Variants in DNAJC13 observed in about 807,000 individuals in gnomAD.
DNAJC13 encodes DnaJ heat shock protein family (Hsp40) member C13.
A neutral mutation model predicts 290.5 loss-of-function variants in DNAJC13; 75 were observed. The observed-to-expected ratio is 0.26, with a 90% CI of 0.21 to 0.31. The LOEUF (loss-of-function observed/expected upper bound fraction) is 0.31, where lower values mean the gene tolerates loss of function less well. Among genes scored for constraint, DNAJC13 ranks in the 10% least tolerant of loss-of-function variants. The probability of loss-of-function intolerance (pLI) is 1.00; values close to 1 mark genes in which losing one functional copy is unlikely to be tolerated. For missense variants in DNAJC13, 2,260 were observed against 2,674.5 expected (o/e 0.85, Z 3.42); for synonymous variants, 862 against 892.0 (o/e 0.97, Z 0.60).
At chr3:132,449,067 G>C in intron 5 of DNAJC13, among the ~76,000 whole-genome samples, 1 of 152,106 alleles carries the variant, frequency 6.6e-6, no homozygotes, top group Non-Finnish European at 1.5e-5. Context: ...AGTACCTCTA[G>C]AAGATTGCCC....
chr3:132,478,018 C>T lies in DNAJC13; in HGVS notation c.2587C>T (p.Leu863Phe). ...FFNELYHRFL[L>F]TPKVNMKCLC... is the part of the protein sequence containing the mutation. Reference sequence around the variant, plus strand: ...CAATGAGCTTTATCATCGCTTCTTGCTCACCCCAAAAGTAAACATGAAGTG... The same window carrying T: ...CAATGAGCTTTATCATCGCTTCTTGTTCACCCCAAAAGTAAACATGAAGTG... Residue 863 changes from leucine (L) to phenylalanine (F), a missense_variant, in exon 24 of 56, where the codon CTC becomes TTC. Physicochemically the swap from Leu to Phe is conservative, Grantham distance 22 (BLOSUM62 0). Transcript: ENST00000260818. The T allele has an allele frequency of 6.2e-7, 1 of 1,611,072 alleles. No individual in the cohort carries two copies. Among genetic ancestry groups the T allele is most frequent in the Non-Finnish European group, 8.5e-7 (1 of 1,179,298 alleles).
chr3:132,450,598 A>T, intron 5 of DNAJC13, 49 bp from the exon 6 acceptor site: 1 of 1,372,706 alleles, frequency 7.3e-7, no homozygotes, highest in Non-Finnish European at 1.0e-6. Flanking sequence ...ATTTTATTTT[A>T]TATGATTTTA....
intron 2 of DNAJC13, among the ~76,000 whole-genome samples, chr3:132,445,825 T>G (rs920136304): frequency 2.6e-5 from 4 of 152,110 alleles, no homozygotes; most frequent in Admixed American, 2.6e-4. Context: ...TCTAATTCAA[T>G]TTCCTTTTAT....
Position 132,456,375 on chromosome 3 carries a change from A to G in DNAJC13, c.1073A>G (p.His358Arg). 1 of 1,613,588 alleles carries G rather than the reference A, an allele frequency of 6.2e-7. No individual in the cohort carries two copies. Among genetic ancestry groups the G allele is most frequent in the Non-Finnish European group, 8.5e-7 (1 of 1,179,784 alleles). Residue 358 changes from histidine (H) to arginine (R), a missense_variant, in exon 10 of 56, where the codon CAC (histidine) becomes CGC (arginine). By Grantham distance (29) the His-to-Arg change is conservative. This residue lies in a region of DNAJC13 where 762 missense variants were observed against 964.1 expected (regional missense o/e 0.79). Coordinates refer to ENST00000260818, the MANE Select transcript of DNAJC13 (RefSeq NM_015268.4). The part of the protein sequence containing the change: ...MPVDEEVESL[H>R]LRFLATPPNG... ...GTTGATGAGGAAGTAGAGAGCCTTC[A>G]CCTCAGGTTCTTAGCTACGCCTCCA...
At chr3:132,528,090 C>T in intron 53 of DNAJC13, 99 bp from the exon 54 acceptor site, 2 of 1,339,088 alleles carry the variant, frequency 1.5e-6, no homozygotes, top group Non-Finnish European at 2.1e-6. Flanking sequence ...TACGGTGCAA[C>T]AGGCTGCCTT....
chr3:132,459,547 T>C (rs1307070368), intron 13 of DNAJC13, among the ~76,000 whole-genome samples: 2 of 152,108 alleles, frequency 1.3e-5, no homozygotes, highest in African/African-American at 2.4e-5. Context: ...CACTGAACAG[T>C]GTAATTTAAA....
At chr3:132,442,064 TA>T (rs796966265) in intron 2 of DNAJC13, among the ~76,000 whole-genome samples, 10 of 146,632 alleles carry the variant, frequency 6.8e-5, no homozygotes, top group Non-Finnish European at 1.1e-4. Flanking sequence ...ATACCTTATG[TA>T]AAAAAAAATC....
At chr3:132,498,704 GTTTTA>G (rs1008058180) in intron 36 of DNAJC13, among the ~76,000 whole-genome samples, 1 of 151,444 alleles carries the variant, frequency 6.6e-6, no homozygotes, top group African/African-American at 2.4e-5. Flanking sequence ...TTTTTTTTAC[GTTTTA>G]TTTTATTTTA....
intron 37 of DNAJC13, 135 bp downstream of exon 37, chr3:132,499,445 C>A: frequency 1.2e-6 from 1 of 832,192 alleles, no homozygotes; most frequent in Non-Finnish European, 1.8e-6. Context: ...TTTCCATATT[C>A]TTATACCAAA....
intron 51 of DNAJC13, among the ~76,000 whole-genome samples, chr3:132,524,889 T>C (rs1361577817): frequency 6.6e-6 from 1 of 152,214 alleles, no homozygotes. Flanking sequence ...AGAAAGTGCT[T>C]TGTGGGAGCC....
chr3:132,509,414 G>T (rs1001400310), intron 43 of DNAJC13, among the ~76,000 whole-genome samples: 1 of 152,236 alleles, frequency 6.6e-6, no homozygotes, highest in African/African-American at 2.4e-5. Flanking sequence ...GTTGCTTCTT[G>T]TGGATAAGCA....
chr3:132,420,598 C>T (rs1333166209), intron 1 of DNAJC13, among the ~76,000 whole-genome samples: 2 of 149,816 alleles, frequency 1.3e-5, no homozygotes, highest in Non-Finnish European at 3.0e-5. Context: ...TAACAAGTAA[C>T]CCACAAAATA....
chr3:132,448,028 T>G, intron 5 of DNAJC13, 89 bp downstream of exon 5: 1 of 947,662 alleles, frequency 1.1e-6, no homozygotes, highest in South Asian at 1.6e-5. Flanking sequence ...GTGTTCCATT[T>G]GTAGCAAAGC....
chr3:132,432,217 G>T (rs1010104462), intron 1 of DNAJC13, among the ~76,000 whole-genome samples: 5 of 151,328 alleles, frequency 3.3e-5, no homozygotes, highest in South Asian at 2.1e-4. Context: ...TGTTTTTTTG[G>T]GGGGGGACAG....
intron 36 of DNAJC13, 35 bp downstream of exon 36, chr3:132,496,698 C>A: frequency 6.4e-7 from 1 of 1,569,394 alleles, no homozygotes; most frequent in Non-Finnish European, 8.6e-7. Flanking sequence ...AATTTATCCT[C>A]CAGCTAACCT....
chr3:132,483,701 C>A, intron 28 of DNAJC13, 124 bp downstream of exon 28: 2 of 1,019,146 alleles, frequency 2.0e-6, no homozygotes, highest in Non-Finnish European at 2.8e-6. Context: ...CTGTTTTGAC[C>A]TTTGGAATTT....
chr3:132,427,548 A>C (rs867160156), intron 1 of DNAJC13, among the ~76,000 whole-genome samples: 1 of 152,228 alleles, frequency 6.6e-6, no homozygotes, highest in South Asian at 2.1e-4. Context: ...TCAGTTTAAG[A>C]AATATATATT....
At chr3:132,499,354 C>A in intron 37 of DNAJC13, 44 bp downstream of exon 37, 1 of 1,443,082 alleles carries the variant, frequency 6.9e-7, no homozygotes, top group Non-Finnish European at 9.3e-7. Flanking sequence ...AGTTTACACA[C>A]ATTATATGAC....
At chr3:132,435,106 T>C (rs1407174900) in intron 2 of DNAJC13, among the ~76,000 whole-genome samples, 2 of 152,230 alleles carry the variant, frequency 1.3e-5, no homozygotes, top group African/African-American at 2.4e-5. Context: ...TGGCATTTTT[T>C]AGTAGCTTCC....
Sources: allele counts gnomAD v4.1 joint callset (sites outside exome capture counted in the v4.1 genomes callset), GRCh38; gene constraint gnomAD v4.1.1; regional missense constraint gnomAD v4.1.1; transcripts MANE v1.5; gene names NCBI Gene and HGNC (gene_info 2026-07-23, HGNC 2026-07-21).